Variants in KCNQ5 observed in about 807,000 individuals in gnomAD.
The protein encoded by KCNQ5 is potassium voltage-gated channel subfamily Q member 5, also known as potassium voltage-gated channel subfamily KQT member 5.
In KCNQ5, 30 loss-of-function variants were observed where a neutral mutation model predicts 98.2. The observed-to-expected ratio is 0.31, with a 90% CI of 0.23 to 0.41. The LOEUF is 0.41. Among genes scored for constraint, KCNQ5 ranks in the 10% least tolerant of loss-of-function variants. The pLI, the probability that KCNQ5 is intolerant of heterozygous loss-of-function variation, is 1.00. For missense variants in KCNQ5, 835 were observed against 1,182.5 expected (o/e 0.71, Z 4.31); for synonymous variants, 458 against 449.4 (o/e 1.02, Z -0.24).
At chr6:73,063,834 G>A (rs765672899) in intron 3 of KCNQ5, among the ~76,000 whole-genome samples, 1 of 151,930 alleles carries the variant, frequency 6.6e-6, no homozygotes, top group Non-Finnish European at 1.5e-5. Flanking sequence ...TTTATTCTTG[G>A]CTTATATTTA....
intron 1 of KCNQ5, among the ~76,000 whole-genome samples, chr6:72,644,167 T>A (rs1047970845): frequency 2.4e-4 from 37 of 152,228 alleles, no homozygotes; most frequent in African/African-American, 8.4e-4. Flanking sequence ...GACTCATTGC[T>A]CCTAGTGGAA....
At position 72,717,778 on chromosome 6, in the gene KCNQ5, G is replaced by A. The variant is rs10943056; in HGVS notation, c.398+95191G>A. ...TCTAAGCCACAGAAATAAAAATCGA[G>A]TGAATACTTTTGTTTATGTACCATG... On this transcript the variant is annotated intron_variant, in intron 1 of 13. Transcript: ENST00000370398. Among the ~76,000 whole-genome samples the A allele has an allele frequency of 2.5e-4, 38 of 152,298 alleles. No homozygotes were observed. In the East Asian group the frequency reaches 5.8e-3, roughly 23 times the overall value.
chr6:72,744,054 G>A (rs918706895), intron 1 of KCNQ5, among the ~76,000 whole-genome samples: 2 of 152,022 alleles, frequency 1.3e-5, no homozygotes, highest in Non-Finnish European at 2.9e-5. Flanking sequence ...ACCAGGTCAG[G>A]GAAAAGATAC....
intron 1 of KCNQ5, among the ~76,000 whole-genome samples, chr6:72,801,157 C>T (rs1179324826): frequency 6.6e-6 from 1 of 151,570 alleles, no homozygotes; most frequent in Non-Finnish European, 1.5e-5. Flanking sequence ...TGGTGCAGAG[C>T]TGAGTTCAAT....
intron 10 of KCNQ5, chr6:73,158,109 C>G (rs1338836474): frequency 8.8e-6 from 4 of 455,180 alleles, no homozygotes; most frequent in African/African-American, 2.0e-5. Flanking sequence ...GTGCTGCCGC[C>G]GCGCTCGCCC....
chr6:73,153,373 A>G lies in KCNQ5; in HGVS notation c.1469-16373A>G, dbSNP rs965127522. 8.2e-4 allele frequency among the ~76,000 whole-genome samples: 124 copies of G among 152,114 alleles called. 1 individual carries two copies. The highest frequency in any genetic ancestry group is 1.8e-4 in the Non-Finnish European group (12 of 68,018). On this transcript the variant is annotated intron_variant, in intron 10 of 13. Transcript: ENST00000370398. ...CTATAGTTTTAGTGGGTTTTTCAAA[A>G]TGAGCAAGATTAGCTGTATATGTTC...
At chr6:72,921,486 G>C (rs771903575) in intron 1 of KCNQ5, among the ~76,000 whole-genome samples, 1 of 152,194 alleles carries the variant, frequency 6.6e-6, no homozygotes, top group Non-Finnish European at 1.5e-5. Context: ...CAAGATAGTG[G>C]TGTACTGGGG....
intron 1 of KCNQ5, among the ~76,000 whole-genome samples, chr6:72,777,451 T>C (rs1773216620): frequency 6.6e-6 from 1 of 151,004 alleles, no homozygotes; most frequent in Admixed American, 6.6e-5. Flanking sequence ...GGCCGAGGAG[T>C]CTTGAGCTAG....
intron 1 of KCNQ5, among the ~76,000 whole-genome samples, chr6:72,897,313 G>C (rs942191947): frequency 2.0e-5 from 3 of 152,102 alleles, no homozygotes; most frequent in African/African-American, 7.2e-5. Flanking sequence ...GGCCGAGGCG[G>C]GTAGATCACT....
chr6:73,130,763 A>G (rs972281699), intron 9 of KCNQ5, among the ~76,000 whole-genome samples: 10 of 152,246 alleles, frequency 6.6e-5, no homozygotes, highest in Non-Finnish European at 1.2e-4. Context: ...AAAATAATAA[A>G]GTGAGCTTTT....
intron 1 of KCNQ5, among the ~76,000 whole-genome samples, chr6:72,963,704 C>T (rs1767480343): frequency 6.6e-6 from 1 of 151,638 alleles, no homozygotes; most frequent in Admixed American, 6.6e-5. Flanking sequence ...ACTCTGTTGC[C>T]CACACTGGAG....
intron 1 of KCNQ5, among the ~76,000 whole-genome samples, chr6:72,673,998 G>C (rs1767273623): frequency 6.6e-6 from 1 of 152,122 alleles, no homozygotes; most frequent in African/African-American, 2.4e-5. Context: ...ACCAGTATTA[G>C]TATAATACGT....
intron 1 of KCNQ5, among the ~76,000 whole-genome samples, chr6:72,926,800 G>C (rs1469758086): frequency 6.6e-6 from 1 of 152,096 alleles, no homozygotes; most frequent in Non-Finnish European, 1.5e-5. Flanking sequence ...AAATGTTTAT[G>C]TTTATTTGAT....
chr6:73,190,405 T>A (rs3823120), intron 11 of KCNQ5, among the ~76,000 whole-genome samples, 168 bp from the exon 12 acceptor site: 4,685 of 152,306 alleles, frequency 0.031, 94 homozygotes, highest in East Asian at 0.069. Context: ...TGTTCTTAAA[T>A]TGTCCACTGT....
chr6:73,075,412 A>G lies in KCNQ5; in HGVS notation c.617-1910A>G, dbSNP rs1378204308. Among the ~76,000 whole-genome samples the G allele has an allele frequency of 1.1e-4, 16 of 152,036 alleles. No individual in the cohort carries two copies. In the East Asian group the frequency reaches 1.8e-3, roughly 17 times the overall value. On this transcript the variant is annotated intron_variant, in intron 3 of 13. Transcript: ENST00000370398. ...TAATTTTTGTATTTTTAGTAGAGAC[A>G]GGGTTTCACCATGTTGGCCAGGATG...
intron 1 of KCNQ5, among the ~76,000 whole-genome samples, chr6:72,829,265 C>T (rs1414306906): frequency 1.3e-5 from 2 of 152,142 alleles, no homozygotes; most frequent in Non-Finnish European, 2.9e-5. Context: ...TTCTTGAAAT[C>T]TGGAAAACCT....
chr6:72,636,175 T>C lies in KCNQ5; in HGVS notation c.398+13588T>C, dbSNP rs192452559. Among the ~76,000 whole-genome samples the C allele has an allele frequency of 1.5e-3, 227 of 152,298 alleles. 4 individuals carry two copies. Among genetic ancestry groups the C allele is most frequent in the Middle Eastern group, 0.01 (3 of 294 alleles). ...ATTAGAAATTAGTTTTTATGCCATG[T>C]GGAATTATTATATAAAAATGCACAA... On this transcript the variant is annotated intron_variant, in intron 1 of 13. Transcript: ENST00000370398.
chr6:72,884,612 A>G (rs539867351), intron 1 of KCNQ5, among the ~76,000 whole-genome samples: 67 of 131,176 alleles, frequency 5.1e-4, no homozygotes, highest in Non-Finnish European at 9.2e-4. Flanking sequence ...AAATTCAAAG[A>G]ATAAAATACT....
chr6:73,078,396 C>G (rs182956206), intron 5 of KCNQ5, among the ~76,000 whole-genome samples: 60 of 152,162 alleles, frequency 3.9e-4, no homozygotes, highest in Middle Eastern at 3.4e-3. Context: ...TCAAAACCTA[C>G]TTTTTCTTTA....
Sources: gnomAD v4.1 joint callset for allele counts (sites outside exome capture counted in the v4.1 genomes callset) on GRCh38, gnomAD v4.1.1 for gene constraint, MANE v1.5 for transcripts, NCBI Gene and HGNC (gene_info 2026-07-23, HGNC 2026-07-21) for gene names.